The following SKOR2 variants were observed in gnomAD, a reference collection of about 807,000 sequenced individuals.
SKOR2 encodes SKI family transcriptional corepressor 2.
SKOR2 carries 47 observed loss-of-function variants against 69.1 expected under a neutral mutation model. The observed-to-expected ratio is 0.68, with a 90% CI of 0.54 to 0.87. The LOEUF (loss-of-function observed/expected upper bound fraction) is 0.87. Among genes scored for constraint, SKOR2 ranks in the 40% least tolerant of loss-of-function variants. The probability of loss-of-function intolerance (pLI) is 0.00; values close to 1 mark genes in which losing one functional copy is unlikely to be tolerated. For synonymous variants in SKOR2, 717 were observed against 672.6 expected (o/e 1.07, Z -1.02); for missense variants, 1,404 against 1,472.2 (o/e 0.95, Z 0.76).
intron 8 of SKOR2, among the ~76,000 whole-genome samples, chr18:47,208,329 G>T (rs562035154): frequency 6.6e-6 from 1 of 152,296 alleles, no homozygotes; most frequent in South Asian, 2.1e-4. Context: ...CTGCCTTACA[G>T]CATTGTAAAG....
At chr18:47,229,167 T>G (rs1300955831) in intron 6 of SKOR2, among the ~76,000 whole-genome samples, 2 of 152,196 alleles carry the variant, frequency 1.3e-5, no homozygotes, top group Admixed American at 6.5e-5. Flanking sequence ...CCCTAATGAA[T>G]GAAGACCTTC....
At chr18:47,222,775 G>T (rs72913164) in intron 6 of SKOR2, among the ~76,000 whole-genome samples, 1 of 152,244 alleles carries the variant, frequency 6.6e-6, no homozygotes, top group Non-Finnish European at 1.5e-5. Flanking sequence ...ACTTCCCTGG[G>T]ATCACAGAAG....
At chr18:47,216,361 G>A (rs768721157) in intron 7 of SKOR2, among the ~76,000 whole-genome samples, 16 of 152,072 alleles carry the variant, frequency 1.1e-4, no homozygotes, top group Non-Finnish European at 1.5e-4. Context: ...CACAAACCAC[G>A]TTAAATACTA....
chr18:47,245,477 G>GTTTTTT, intron 3 of SKOR2, 21 bp downstream of exon 3: 3 of 517,858 alleles, frequency 5.8e-6, no homozygotes, highest in South Asian at 3.2e-5. Context: ...AGTGGCAGCT[G>GTTTTTT]ATTTTTTTTT....
intron 7 of SKOR2, among the ~76,000 whole-genome samples, chr18:47,218,610 A>AAAAAAAAAC (rs2064151529): frequency 6.6e-6 from 1 of 150,592 alleles, no homozygotes; most frequent in African/African-American, 2.4e-5. Context: ...AAAAAAAAAA[A>AAAAAAAAAC]TCTGAAAATG....
intron 7 of SKOR2, among the ~76,000 whole-genome samples, chr18:47,213,255 C>T (rs957353074): frequency 6.6e-6 from 1 of 151,548 alleles, no homozygotes; most frequent in Admixed American, 6.6e-5. Context: ...CTTTATTCTA[C>T]ATGTAAAGAA....
chr18:47,244,124 G>A (rs542081538), intron 4 of SKOR2, among the ~76,000 whole-genome samples: 8 of 152,206 alleles, frequency 5.3e-5, no homozygotes, highest in African/African-American at 7.2e-5. Context: ...GTACTTTGCC[G>A]TTATATAAGA....
At chr18:47,246,226 T>C (rs1352047627) in intron 2 of SKOR2, among the ~76,000 whole-genome samples, 1 of 152,180 alleles carries the variant, frequency 6.6e-6, no homozygotes, top group East Asian at 1.9e-4. Flanking sequence ...TTGCTCCTTT[T>C]AGGGGAACAA....
At chr18:47,240,997 C>T (rs1296320474) in intron 4 of SKOR2, among the ~76,000 whole-genome samples, 1 of 152,074 alleles carries the variant, frequency 6.6e-6, no homozygotes, top group Admixed American at 6.5e-5. Flanking sequence ...ATTGGATTGG[C>T]TAAAGGGACA....
intron 3 of SKOR2, 111 bp downstream of exon 3, chr18:47,245,387 T>C: frequency 5.0e-6 from 5 of 995,812 alleles, no homozygotes; most frequent in Non-Finnish European, 6.9e-6. Context: ...AAATCAATGG[T>C]TAAAAACAGA....
chr18:47,248,235 A>AGAC lies in SKOR2; in HGVS notation c.948_949insGTC (p.Asp316_Ser317insVal), dbSNP rs2064292278. 8.2e-7 allele frequency: 1 copy of AGAC among 1,226,066 alleles called. No homozygotes were observed. The highest frequency in any genetic ancestry group is 1.0e-6 in the Non-Finnish European group (1 of 985,928). 75.9% of individuals were successfully genotyped at this position (1,226,066 alleles called of 1,614,324 possible). ...GCCACTACGGCGGCCTCCTGCAAGG[A>AGAC]GTCGTCGTCGTCGTCGAAGCGCGGC... On this transcript the variant is annotated inframe_insertion, in exon 2 of 9. Transcript: ENST00000425639. The surrounding 1 kb of genome is among the most constrained non-coding windows in gnomAD (Gnocchi z 6.4).
Position 47,242,471 on chromosome 18 carries a change from G to GCA in SKOR2, c.2752+2436_2752+2437insTG, listed in dbSNP as rs570261263. Among the ~76,000 whole-genome samples the GCA allele has an allele frequency of 1.1e-4, 16 of 152,164 alleles. No homozygotes were observed. The South Asian group carries it at 3.3e-3, about 32-fold the overall frequency. On this transcript the variant is annotated intron_variant, in intron 4 of 8. Transcript: ENST00000425639. ...TTCCTAAAAGTAAATTTCAGACTGT[G>GCA]AAATTTGGATTTTCTCATTAAATTT...
At position 47,247,769 on chromosome 18, in the gene SKOR2, G is replaced by A; in HGVS notation, c.1415C>T (p.Pro472Leu). The A allele has an allele frequency of 1.4e-6, 2 of 1,386,672 alleles. No individual in the cohort carries two copies. Among genetic ancestry groups the A allele is most frequent in the Non-Finnish European group, 1.9e-6 (2 of 1,079,264 alleles). The allele number at this position is 1,386,672 out of a possible 1,614,324, so 85.9% of individuals were successfully genotyped here. ...AFYPPFCMFW[P>L]PRTPGGLPVP... ...CGGGAGCCCGCCAGGGGTCCGCGGC[G>A]GCCAGAACATGCAGAAGGGCGGATA... The change falls in exon 2 of 9, where the codon CCG becomes CTG. Residue 472 changes from proline to leucine, a missense_variant. Pro to Leu is a moderately conservative substitution (Grantham distance 98). This residue lies in a region of SKOR2 where 1,266 missense variants were observed against 1,309.9 expected (regional missense o/e 0.97). Coordinates refer to ENST00000425639, the MANE Select transcript of SKOR2 (RefSeq NM_001278063.4). This position sits in a 1 kb window ranked among gnomAD's most constrained non-coding sequence, Gnocchi z 6.6.
chr18:47,228,603 C>T (rs555037844), intron 6 of SKOR2, among the ~76,000 whole-genome samples: 11 of 152,276 alleles, frequency 7.2e-5, no homozygotes, highest in African/African-American at 2.6e-4. Context: ...CTTGGACCCA[C>T]TCTGCTAGAT....
chr18:47,220,691 A>G (rs1233029475), intron 6 of SKOR2, among the ~76,000 whole-genome samples: 1 of 152,210 alleles, frequency 6.6e-6, no homozygotes, highest in African/African-American at 2.4e-5. Context: ...TATTTATTGC[A>G]TTAGGGAAAA....
chr18:47,232,294 G>T (rs9304344), intron 4 of SKOR2, among the ~76,000 whole-genome samples: 57,259 of 151,998 alleles, frequency 0.38, 11,635 homozygotes, highest in Middle Eastern at 0.48. Flanking sequence ...GCGCATAAAG[G>T]TTAGATCGTT....
Position 47,247,926 on chromosome 18 carries a change from A to T in SKOR2, c.1258T>A (p.Leu420Met). Residue 420 changes from leucine (L) to methionine (M), a missense_variant, in exon 2 of 9, where the codon TTG becomes ATG. Leu to Met is a conservative substitution (Grantham distance 15). This residue lies in a region of SKOR2 where 1,266 missense variants were observed against 1,309.9 expected (regional missense o/e 0.97). Transcript: ENST00000425639. The surrounding 1 kb of genome is among the most constrained non-coding windows in gnomAD (Gnocchi z 6.6). ...CCCGCATCCTCTTTCTTATGGCACA[A>T]GCTGAAGGCGGCGGCCGCGGCAGGG... is the stretch of plus-strand genomic sequence containing the variant. The part of the protein sequence containing the change: ...TFPAAAAAFS[L>M]CHKKEDAGAA... The T allele has an allele frequency of 7.3e-7, 1 of 1,369,688 alleles. No individual in the cohort carries two copies. The highest frequency in any genetic ancestry group is 9.4e-7 in the Non-Finnish European group (1 of 1,067,942). The allele number at this position is 1,369,688 out of a possible 1,614,324, so 84.8% of individuals were successfully genotyped here.
chr18:47,208,026 G>T (rs528483497), intron 8 of SKOR2, among the ~76,000 whole-genome samples: 11 of 152,138 alleles, frequency 7.2e-5, no homozygotes, highest in Non-Finnish European at 1.3e-4. Flanking sequence ...GCACACAAAA[G>T]TGACAGCCAA....
Position 47,247,770 on chromosome 18 carries a change from G to T in SKOR2, c.1414C>A (p.Pro472Thr). 4 of 1,386,830 alleles carry T rather than the reference G, an allele frequency of 2.9e-6. No homozygotes were observed. Among genetic ancestry groups the T allele is most frequent in the Non-Finnish European group, 3.7e-6 (4 of 1,079,320 alleles). 85.9% of individuals were successfully genotyped at this position (1,386,830 alleles called of 1,614,324 possible). ...AFYPPFCMFW[P>T]PRTPGGLPVP... ...GGGAGCCCGCCAGGGGTCCGCGGCG[G>T]CCAGAACATGCAGAAGGGCGGATAG... Residue 472 changes from proline (P) to threonine (T), a missense_variant, in exon 2 of 9, where the codon CCG becomes ACG. Physicochemically the swap from Pro to Thr is conservative, Grantham distance 38. Transcript: ENST00000425639. The surrounding 1 kb of genome is among the most constrained non-coding windows in gnomAD (Gnocchi z 6.6).
Sources: allele counts gnomAD v4.1 joint callset (sites outside exome capture counted in the v4.1 genomes callset), GRCh38; gene constraint gnomAD v4.1.1; regional missense constraint gnomAD v4.1.1; non-coding constraint Gnocchi (gnomAD v3.1); transcripts MANE v1.5; gene names NCBI Gene and HGNC (gene_info 2026-07-23, HGNC 2026-07-21).